The following DNALI1 variants were observed in gnomAD, a reference collection of about 807,000 sequenced individuals.
DNALI1 encodes the protein dynein axonemal light intermediate chain 1.
DNALI1 carries 31 observed loss-of-function variants against 33.9 expected under a neutral mutation model. The observed-to-expected ratio is 0.91, with a 90% CI of 0.69 to 1.23. The LOEUF (loss-of-function observed/expected upper bound fraction) is 1.23. Among genes scored for constraint, DNALI1 ranks in the 50% most tolerant of loss-of-function variants. The probability of loss-of-function intolerance (pLI) is 0.00; values close to 1 mark genes in which losing one functional copy is unlikely to be tolerated. For missense variants in DNALI1, 305 were observed against 323.8 expected, an observed-to-expected ratio of 0.94 and a Z score of 0.44; for synonymous variants, 117 against 129.2, an observed-to-expected ratio of 0.91 and a Z score of 0.64.
chr1:37,561,834 C>T lies in DNALI1; in HGVS notation c.576+99C>T. The T allele has an allele frequency of 3.4e-6, 5 of 1,477,142 alleles. No homozygotes were observed. The highest frequency in any genetic ancestry group is 4.6e-6 in the Non-Finnish European group (5 of 1,095,906). 91.5% of individuals were successfully genotyped at this position (1,477,142 alleles called of 1,614,324 possible). On this transcript the variant is annotated intron_variant, in intron 4 of 5. Coordinates refer to ENST00000652629, the MANE Select transcript of DNALI1 (RefSeq NM_003462.5). The surrounding 1 kb of genome is among the most constrained non-coding windows in gnomAD (Gnocchi z 4.6). The stretch of plus-strand genomic sequence containing the variant: ...CACTACATTCTGACCTCCTAAGGTG[C>T]TCTGCTGACAGTCACGACACCTGGA...
rs1247032663 is a variant in DNALI1, at chr1:37,561,912, G to A, written c.577-169G>A. On this transcript the variant is annotated intron_variant, in intron 4 of 5. Coordinates refer to ENST00000652629, the MANE Select transcript of DNALI1 (RefSeq NM_003462.5). This position sits in a 1 kb window ranked among gnomAD's most constrained non-coding sequence, Gnocchi z 4.6. ...GGTTGAGTATGATGGCCAGCCTGGT[G>A]GTCTTGGCAGAGTTGTTTCCGCTGT... 2 of 1,351,790 alleles carry A rather than the reference G, an allele frequency of 1.5e-6. No homozygotes were observed. The highest frequency in any genetic ancestry group is 1.5e-5 in the African/African-American group (1 of 68,728). The allele number at this position is 1,351,790 out of a possible 1,614,324, so 83.7% of individuals were successfully genotyped here.
At position 37,561,585 on chromosome 1, in the gene DNALI1, C is replaced by CT; in HGVS notation, c.427dup (p.Cys143LeufsTer41). On this transcript the variant is annotated frameshift_variant, in exon 4 of 6. Transcript: ENST00000652629. LOFTEE classifies it high-confidence loss of function. This position sits in a 1 kb window ranked among gnomAD's most constrained non-coding sequence, Gnocchi z 4.6. Reference sequence around the variant, plus strand: ...AGTTGATCCGGGAGGTCACCATCAACTGTGCGGAGAGGGGGCTGCTGCTGC... The same window carrying CT: ...AGTTGATCCGGGAGGTCACCATCAACTTGTGCGGAGAGGGGGCTGCTGCTGC... The CT allele has an allele frequency of 6.2e-7, 1 of 1,613,960 alleles. No individual in the cohort carries two copies. Among genetic ancestry groups the CT allele is most frequent in the Non-Finnish European group, 8.5e-7 (1 of 1,179,930 alleles).
Position 37,565,294 on chromosome 1 carries a change from A to C in DNALI1, c.*233A>C. The C allele has an allele frequency of 1.8e-6, 1 of 567,670 alleles. No homozygotes were observed. The highest frequency in any genetic ancestry group is 3.1e-6 in the Non-Finnish European group (1 of 318,378). 35.2% of individuals were successfully genotyped at this position (567,670 alleles called of 1,614,324 possible). A position where few individuals can be genotyped will look rare whatever the true frequency, so the allele number is the denominator to read the frequency against. ...CAGGCTCCTGGCTGGGCAATGGAAG[A>C]TGGTGTGGCCCTGTTAGTCTCCGTG... On this transcript the variant is annotated 3_prime_UTR_variant, in exon 6 of 6. Transcript: ENST00000652629.
chr1:37,564,641 A>G (rs374411134), intron 5 of DNALI1, among the ~76,000 whole-genome samples: 7 of 152,158 alleles, frequency 4.6e-5, no homozygotes, highest in African/African-American at 1.7e-4. Context: ...TCAGCCTCCC[A>G]AAGTGCTGGG....
rs1180046451 is a variant in DNALI1 at position 37,557,730 on chromosome 1, A to T, written c.209A>T (p.Asn70Ile). ...ACAAAGCAGGCAGAAGAAATCTTGA[A>T]TGCCATACTACCCCCAAGGTAAGAA... is the stretch of plus-strand genomic sequence containing the variant. ...DPTKQAEEILNAILPPREWVE... is the reference protein window; with the variant it reads ...DPTKQAEEILIAILPPREWVE... Residue 70 changes from asparagine to isoleucine, a missense_variant, in exon 2 of 6, where the codon AAT becomes ATT. Asn to Ile is a moderately radical substitution (Grantham distance 149). Coordinates refer to ENST00000652629, the MANE Select transcript of DNALI1 (RefSeq NM_003462.5). The T allele has an allele frequency of 1.9e-6, 3 of 1,613,778 alleles. No homozygotes were observed. The highest frequency in any genetic ancestry group is 2.5e-6 in the Non-Finnish European group (3 of 1,179,910).
rs1288293629 is a variant in DNALI1 at position 37,561,755 on chromosome 1, A to C, written c.576+20A>C. ...AGGAAAGTGAGTGGGGTTTACCGTGACCCTTGGTCCCATCTCTTCTGTAAA... is the reference window on the plus strand; with the variant it reads ...AGGAAAGTGAGTGGGGTTTACCGTGCCCCTTGGTCCCATCTCTTCTGTAAA... On this transcript the variant is annotated intron_variant, in intron 4 of 5. Transcript: ENST00000652629. This position sits in a 1 kb window ranked among gnomAD's most constrained non-coding sequence, Gnocchi z 4.6. 6.2e-7 allele frequency: 1 copy of C among 1,607,890 alleles called. No homozygotes were observed. Among genetic ancestry groups the C allele is most frequent in the East Asian group, 2.2e-5 (1 of 44,676 alleles).
intron 2 of DNALI1, 63 bp downstream of exon 2, chr1:37,557,811 T>A (rs556359043): frequency 2.8e-5 from 45 of 1,599,712 alleles, no homozygotes; most frequent in Non-Finnish European, 3.8e-5. Flanking sequence ...ATTTTGGGAG[T>A]GTGGGGGGAG....
At position 37,562,397 on chromosome 1, in the gene DNALI1, G is replaced by T; in HGVS notation, c.741+152G>T. On this transcript the variant is annotated intron_variant, in intron 5 of 5. Coordinates refer to ENST00000652629, the MANE Select transcript of DNALI1 (RefSeq NM_003462.5). This position sits in a 1 kb window ranked among gnomAD's most constrained non-coding sequence, Gnocchi z 5.8. The stretch of plus-strand genomic sequence containing the variant: ...AAGCTGACTTTGGTGGTGGGAGAAG[G>T]GGAGGGCTCCAGAGGGGGTCTCTAC... The T allele has an allele frequency of 9.1e-7, 1 of 1,096,816 alleles. No individual in the cohort carries two copies. The highest frequency in any genetic ancestry group is 1.3e-6 in the Non-Finnish European group (1 of 784,438). 67.9% of individuals were successfully genotyped at this position (1,096,816 alleles called of 1,614,324 possible).
chr1:37,557,065 G>A lies in DNALI1; in HGVS notation c.71G>A (p.Arg24Gln), dbSNP rs1557631557. 2 of 1,614,194 alleles carry A rather than the reference G, an allele frequency of 1.2e-6. No homozygotes were observed. The change falls in exon 1 of 6, where the codon CGG becomes CAG. Residue 24 changes from arginine to glutamine, a missense_variant. Transcript: ENST00000652629. Reference sequence around the variant, plus strand: ...CTGGTGAGCCGGAACACGGAGAAACGGAGCCCCAAGGTAAAGACGGGGGCT... The same window carrying A: ...CTGGTGAGCCGGAACACGGAGAAACAGAGCCCCAAGGTAAAGACGGGGGCT... ...PVLVSRNTEK[R>Q]SPKARLLKVS... is the part of the protein sequence containing the mutation.
chr1:37,565,035 G>A lies in DNALI1; in HGVS notation c.751G>A (p.Glu251Lys). 1 of 1,614,144 alleles carries A rather than the reference G, an allele frequency of 6.2e-7. No individual in the cohort carries two copies. Among genetic ancestry groups the A allele is most frequent in the Non-Finnish European group, 8.5e-7 (1 of 1,180,016 alleles). The change falls in exon 6 of 6, where the codon GAA becomes AAA. Residue 251 changes from glutamate (E) to lysine (K), a missense_variant. By Grantham distance (56) the Glu-to-Lys change is moderately conservative (BLOSUM62 1). Coordinates refer to ENST00000652629, the MANE Select transcript of DNALI1 (RefSeq NM_003462.5). ...TGTTTTTGTTTTTCAGGCCCAACTG[G>A]AAGGCATTATTGCACCAAAGAAGTG... Reference protein sequence around the residue: ...RTNQQLKAQLEGIIAPKK With the variant: ...RTNQQLKAQLKGIIAPKK
chr1:37,565,128 A>C lies in DNALI1; in HGVS notation c.*67A>C. 21 of 1,575,578 alleles carry C rather than the reference A, an allele frequency of 1.3e-5. No individual in the cohort carries two copies. In the South Asian group the frequency reaches 1.4e-4, roughly 11 times the overall value. On this transcript the variant is annotated 3_prime_UTR_variant, in exon 6 of 6. Coordinates refer to ENST00000652629, the MANE Select transcript of DNALI1 (RefSeq NM_003462.5). ...TATTTACTGTGTTCCTCTGGCAGCC[A>C]ATAAAATCATCATAAGCCCTTTGTA...
intron 3 of DNALI1, among the ~76,000 whole-genome samples, chr1:37,560,086 C>T (rs150763550): frequency 0.015 from 2,360 of 152,322 alleles, 19 homozygotes; most frequent in South Asian, 0.039. Flanking sequence ...TCTCGCCTCC[C>T]GCCACAGGGC....
chr1:37,559,433 C>A lies in DNALI1; in HGVS notation c.334C>A (p.Gln112Lys). ...GGAGCAGTTAGACTTAAAGCTGCAGCAGCGGCAGGCCAGGGAAACAGGCAT... is the reference window on the plus strand; with the variant it reads ...GGAGCAGTTAGACTTAAAGCTGCAGAAGCGGCAGGCCAGGGAAACAGGCAT... ...LQEQLDLKLQ[Q>K]RQARETGICP... The change falls in exon 3 of 6, where the codon CAG becomes AAG. Residue 112 changes from glutamine to lysine, a missense_variant. Physicochemically the swap from Gln to Lys is moderately conservative, Grantham distance 53 (BLOSUM62 1). Transcript: ENST00000652629. The surrounding 1 kb of genome is among the most constrained non-coding windows in gnomAD (Gnocchi z 5.3). 6.2e-7 allele frequency: 1 copy of A among 1,613,416 alleles called. No individual in the cohort carries two copies. The highest frequency in any genetic ancestry group is 8.5e-7 in the Non-Finnish European group (1 of 1,179,900).
chr1:37,558,792 CA>C (rs1413994952), intron 2 of DNALI1, among the ~76,000 whole-genome samples: 1 of 152,212 alleles, frequency 6.6e-6, no homozygotes, highest in Non-Finnish European at 1.5e-5. Context: ...TCTGCAGCCA[CA>C]TTGATAAAAG....
In DNALI1 at chr1:37,565,024, A is replaced by C. The variant is rs542427607; in HGVS notation, c.742-2A>C. ...TTAATGGAGCTTGTTTTTGTTTTTC[A>C]GGCCCAACTGGAAGGCATTATTGCA... On this transcript the variant is annotated splice_acceptor_variant, in intron 5 of 5. Transcript: ENST00000652629. LOFTEE classifies it high-confidence loss of function. 1.5e-5 allele frequency: 25 copies of C among 1,614,050 alleles called. No homozygotes were observed. The highest frequency in any genetic ancestry group is 2.1e-5 in the Non-Finnish European group (25 of 1,180,012).
rs368792759 is a variant in DNALI1 at position 37,557,003 on chromosome 1, G to C, written c.9G>C (p.Pro3=). MI[P]PADSLLKYDT... ...CTACTCTCGCCTCCGCCATGATTCC[G>C]CCCGCAGACTCTTTGCTCAAGTACG... The change falls in exon 1 of 6, where the codon CCG becomes CCC. Residue 3 remains proline (P), a synonymous_variant. Coordinates refer to ENST00000652629, the MANE Select transcript of DNALI1 (RefSeq NM_003462.5). 3.5e-5 allele frequency: 57 copies of C among 1,614,098 alleles called. No individual in the cohort carries two copies. Among genetic ancestry groups the C allele is most frequent in the Non-Finnish European group, 4.8e-5 (57 of 1,180,042 alleles).
chr1:37,558,362 AAC>A (rs1643397774), intron 2 of DNALI1, among the ~76,000 whole-genome samples: 1 of 152,072 alleles, frequency 6.6e-6, no homozygotes, highest in African/African-American at 2.4e-5. Flanking sequence ...CCTATCTGAA[AAC>A]ACTGCTTCCA....
rs1162050759 is a variant in DNALI1 at position 37,562,239 on chromosome 1, G to C, written c.735G>C (p.Gln245His). 1 of 1,612,670 alleles carries C rather than the reference G, an allele frequency of 6.2e-7. No homozygotes were observed. Among genetic ancestry groups the C allele is most frequent in the East Asian group, 2.2e-5 (1 of 44,828 alleles). ...AGTTCCTGAAGCGAACAAATCAGCA[G>C]CTGAAGGTAATCAACGCGCAGGGTG... ...EIQFLKRTNQ[Q>H]LKAQLEGIIA... Residue 245 changes from glutamine (Q) to histidine (H), a missense_variant, in exon 5 of 6, where the codon CAG becomes CAC. Gln to His is a conservative substitution (Grantham distance 24, BLOSUM62 0). Transcript: ENST00000652629. This position sits in a 1 kb window ranked among gnomAD's most constrained non-coding sequence, Gnocchi z 5.8.
rs1643387488 is a variant in DNALI1 at position 37,557,608 on chromosome 1, G to A, written c.87G>A (p.Arg29=). The A allele has an allele frequency of 6.2e-7, 1 of 1,612,630 alleles. No homozygotes were observed. Among genetic ancestry groups the A allele is most frequent in the African/African-American group, 1.3e-5 (1 of 74,910 alleles). ...RNTEKRSPKA[R]LLKVSPQQPG... is the part of the protein sequence containing the mutation. ...CACCTGTGCCTTCATCTCAGGCTCG[G>A]CTACTGAAAGTCAGCCCCCAGCAGC... is the stretch of plus-strand genomic sequence containing the variant. Residue 29 remains arginine, a synonymous_variant, in exon 2 of 6, where the codon CGG becomes CGA. Transcript: ENST00000652629.
Sources: allele counts gnomAD v4.1 joint callset (sites outside exome capture counted in the v4.1 genomes callset), GRCh38; gene constraint gnomAD v4.1.1; non-coding constraint Gnocchi (gnomAD v3.1); transcripts MANE v1.5; gene names NCBI Gene and HGNC (gene_info 2026-07-23, HGNC 2026-07-21).